VPS35L: variants seen among roughly 807,000 people sequenced by gnomAD.
VPS35L encodes VPS35 endosomal protein-sorting factor-like.
Under a neutral mutation model 133.0 loss-of-function variants are expected in VPS35L, and 83 were observed. That is an observed-to-expected ratio of 0.62 (90% CI 0.52 to 0.75). The LOEUF (loss-of-function observed/expected upper bound fraction) is 0.75. VPS35L is among the 30% of genes least tolerant of loss of function. The pLI, the probability that VPS35L is intolerant of heterozygous loss-of-function variation, is 0.00. For synonymous variants in VPS35L, 423 were observed against 449.9 expected, an observed-to-expected ratio of 0.94 and a Z score of 0.76; for missense variants, 1,083 against 1,206.8, an observed-to-expected ratio of 0.90 and a Z score of 1.52.
chr16:19,670,541 G>A (rs1974841342), intron 27 of VPS35L, among the ~76,000 whole-genome samples: 1 of 152,218 alleles, frequency 6.6e-6, no homozygotes, highest in South Asian at 2.1e-4. Flanking sequence ...TCTGCACATA[G>A]TAAACTTTCT....
At chr16:19,659,552 C>A (rs1974412730) in intron 26 of VPS35L, among the ~76,000 whole-genome samples, 1 of 152,118 alleles carries the variant, frequency 6.6e-6, no homozygotes, top group African/African-American at 2.4e-5. Context: ...TTTAATTGTT[C>A]CTGGAGATTC....
intron 27 of VPS35L, among the ~76,000 whole-genome samples, chr16:19,676,208 T>C (rs1280749811): frequency 6.6e-6 from 1 of 152,134 alleles, no homozygotes; most frequent in Non-Finnish European, 1.5e-5. Context: ...GCCAAGATTA[T>C]GCCATTGCAC....
At position 19,701,012 on chromosome 16, in the gene VPS35L, C is replaced by T. The variant is rs1036159416; in HGVS notation, c.*536C>T. The T allele has an allele frequency of 6.5e-6, 1 of 152,820 alleles. No homozygotes were observed. Among genetic ancestry groups the T allele is most frequent in the South Asian group, 2.1e-4 (1 of 4,852 alleles). The allele number at this position is 152,820 out of a possible 1,614,324, so 9.5% of individuals were successfully genotyped here. ...TAACTCTTTTTCCTATCAAAAGCAG[C>T]TCTTGATTGGACTTAGAATCTGTGT... On this transcript the variant is annotated 3_prime_UTR_variant, in exon 31 of 31. Transcript: ENST00000417362.
At chr16:19,632,588 A>G (rs1007931794) in intron 18 of VPS35L, among the ~76,000 whole-genome samples, 2 of 152,142 alleles carry the variant, frequency 1.3e-5, no homozygotes, top group Non-Finnish European at 2.9e-5. Context: ...ATCAGCAGTT[A>G]ATTATAGAGA....
chr16:19,556,387 G>C (rs1421579884), intron 1 of VPS35L, among the ~76,000 whole-genome samples: 1 of 152,208 alleles, frequency 6.6e-6, no homozygotes, highest in Non-Finnish European at 1.5e-5. Context: ...GGGTCTTGGA[G>C]GATGAATAGG....
At chr16:19,608,885 G>A (rs1201782063) in intron 10 of VPS35L, 89 bp from the exon 11 acceptor site, 22 of 1,191,552 alleles carry the variant, frequency 1.8e-5, no homozygotes, top group Middle Eastern at 1.9e-4. Context: ...CCTAAGACCC[G>A]CCTACTTCTA....
At chr16:19,646,580 G>A (rs1455750617) in intron 23 of VPS35L, among the ~76,000 whole-genome samples, 3 of 151,940 alleles carry the variant, frequency 2.0e-5, no homozygotes, top group South Asian at 2.1e-4. Context: ...CAGGAGAATC[G>A]CTTGAACCCG....
Position 19,699,570 on chromosome 16 carries a change from C to A in VPS35L, c.2715C>A (p.Arg905=). ...FNSILAHGDL[R]NNKLNQLSVN... is the part of the protein sequence containing the mutation. Reference sequence around the variant, plus strand: ...GCATCTTGGCCCATGGGGACCTACGCAACAACAAGCTCAACCAGCTCTCCG... The same window carrying A: ...GCATCTTGGCCCATGGGGACCTACGAAACAACAAGCTCAACCAGCTCTCCG... Residue 905 remains arginine, a synonymous_variant, in exon 30 of 31, where the codon CGC becomes CGA. Transcript: ENST00000417362. This position sits in a 1 kb window ranked among gnomAD's most constrained non-coding sequence, Gnocchi z 4.2. 1 of 1,614,136 alleles carries A rather than the reference C, an allele frequency of 6.2e-7. No homozygotes were observed.
intron 21 of VPS35L, among the ~76,000 whole-genome samples, chr16:19,641,453 AT>A (rs958535978): frequency 1.3e-5 from 2 of 151,334 alleles, no homozygotes; most frequent in East Asian, 1.9e-4. Flanking sequence ...ACAATATATT[AT>A]TTTTTAGGAC....
chr16:19,600,002 C>G (rs1972330771), intron 8 of VPS35L, among the ~76,000 whole-genome samples: 1 of 152,176 alleles, frequency 6.6e-6, no homozygotes, highest in Admixed American at 6.5e-5. Flanking sequence ...GATCACGCCA[C>G]TGCACTGCAG....
intron 1 of VPS35L, among the ~76,000 whole-genome samples, chr16:19,558,051 C>A (rs1292315091): frequency 6.6e-6 from 1 of 151,534 alleles, no homozygotes; most frequent in Non-Finnish European, 1.5e-5. Context: ...GCCTGAGCTA[C>A]TAAGCGAGAC....
chr16:19,560,868 C>G (rs1245019738), intron 1 of VPS35L, among the ~76,000 whole-genome samples: 1 of 150,640 alleles, frequency 6.6e-6, no homozygotes, highest in Non-Finnish European at 1.5e-5. Context: ...CTGTTGATGA[C>G]TCTTATTCAA....
intron 14 of VPS35L, among the ~76,000 whole-genome samples, chr16:19,618,991 T>A (rs1285740955): frequency 6.6e-6 from 1 of 151,146 alleles, no homozygotes; most frequent in Non-Finnish European, 1.5e-5. Context: ...AGTGCACTGG[T>A]GCAATCTCGG....
chr16:19,564,753 T>C, intron 1 of VPS35L, 98 bp from the exon 2 acceptor site: 1 of 797,324 alleles, frequency 1.3e-6, no homozygotes, highest in Non-Finnish European at 2.1e-6. Context: ...AATATTGTGC[T>C]GTTCTAAACT....
rs1046138398 is a variant in VPS35L, at chr16:19,639,447, G to T, written c.1699-568G>T. 6.6e-6 allele frequency among the ~76,000 whole-genome samples: 1 copy of T among 152,190 alleles called. No individual in the cohort carries two copies. Among genetic ancestry groups the T allele is most frequent in the Admixed American group, 6.5e-5 (1 of 15,286 alleles). ...GTGGTCATCAAAGGTTGCCTGGATG[G>T]CTCACCAAAATGTTAACTGGTCCCA... On this transcript the variant is annotated intron_variant, in intron 20 of 30. Coordinates refer to ENST00000417362, the MANE Select transcript of VPS35L (RefSeq NM_020314.7). The surrounding 1 kb of genome is among the most constrained non-coding windows in gnomAD (Gnocchi z 4.1).
chr16:19,559,715 T>C (rs1221007894), intron 1 of VPS35L, among the ~76,000 whole-genome samples: 2 of 152,000 alleles, frequency 1.3e-5, no homozygotes, highest in Non-Finnish European at 2.9e-5. Context: ...CCACAAGCAG[T>C]ATTTTTTTTT....
chr16:19,596,145 G>A (rs1972207972), intron 8 of VPS35L, among the ~76,000 whole-genome samples: 1 of 152,186 alleles, frequency 6.6e-6, no homozygotes, highest in South Asian at 2.1e-4. Flanking sequence ...AGGAACCTGA[G>A]GCTTGGAGAA....
chr16:19,628,131 A>G (rs1973327966), intron 16 of VPS35L, among the ~76,000 whole-genome samples: 1 of 152,110 alleles, frequency 6.6e-6, no homozygotes, highest in African/African-American at 2.4e-5. Flanking sequence ...TTGGGAGGCC[A>G]GGGCAGGAGG....
chr16:19,669,673 CTT>C (rs201351902), intron 27 of VPS35L, among the ~76,000 whole-genome samples: 49 of 145,498 alleles, frequency 3.4e-4, no homozygotes, highest in Admixed American at 2.8e-4. Flanking sequence ...TTCTGTCTCT[CTT>C]TTTTTTTTTT....
Sources: gnomAD v4.1 joint callset for allele counts (sites outside exome capture counted in the v4.1 genomes callset) on GRCh38, gnomAD v4.1.1 for gene constraint, Gnocchi (gnomAD v3.1) non-coding constraint, MANE v1.5 for transcripts, NCBI Gene and HGNC (gene_info 2026-07-23, HGNC 2026-07-21) for gene names.